The following ATP13A4 variants were observed in gnomAD, a reference collection of about 807,000 sequenced individuals.
ATP13A4 encodes the protein probable cation-transporting ATPase 13A4.
In ATP13A4, 114 loss-of-function variants were observed where a neutral mutation model predicts 142.5. The ratio of observed to expected loss-of-function variants is 0.80; its 90% CI spans 0.69 to 0.93. The LOEUF (loss-of-function observed/expected upper bound fraction) is 0.93. Ranked by LOEUF, ATP13A4 falls within the 40% of genes least tolerant of loss-of-function variation. The pLI, the probability that ATP13A4 is intolerant of heterozygous loss-of-function variation, is 0.00. For missense variants in ATP13A4, 1,392 were observed against 1,454.0 expected, an observed-to-expected ratio of 0.96 and a Z score of 0.69; for synonymous variants, 488 against 514.8, an observed-to-expected ratio of 0.95 and a Z score of 0.70.
At chr3:193,491,488 C>T (rs1305137843) in intron 5 of ATP13A4, 90 bp from the exon 6 acceptor site, 2 of 935,488 alleles carry the variant, frequency 2.1e-6, no homozygotes, top group Admixed American at 1.7e-5. Context: ...ATTCCATGTT[C>T]ACTTTCTCAC....
intron 29 of ATP13A4, among the ~76,000 whole-genome samples, chr3:193,405,160 AC>A (rs1460497213): frequency 2.0e-5 from 3 of 152,192 alleles, no homozygotes; most frequent in Non-Finnish European, 4.4e-5. Flanking sequence ...CACGTAGATT[AC>A]CCCGAGCTTG....
At chr3:193,441,307 C>T (rs1716626687) in intron 20 of ATP13A4, among the ~76,000 whole-genome samples, 159 bp downstream of exon 20, 1 of 152,016 alleles carries the variant, frequency 6.6e-6, no homozygotes, top group Non-Finnish European at 1.5e-5. Flanking sequence ...GGAAATGAGA[C>T]AATAGTATCT....
rs563040731 is a variant in ATP13A4, at chr3:193,401,467, T to C, written c.*1185A>G. On this transcript the variant is annotated 3_prime_UTR_variant, in exon 30 of 30. Transcript: ENST00000342695. ...ATAATGCTGTAGCATGAGACTAATG[T>C]TTCTCAAAAATAATAAAGCAGAGGA... 3.9e-5 allele frequency among the ~76,000 whole-genome samples: 6 copies of C among 152,286 alleles called. No homozygotes were observed. In the South Asian group the frequency reaches 1.2e-3, roughly 32 times the overall value.
chr3:193,567,564 A>T (rs1454112978), intron 2 of ATP13A4, among the ~76,000 whole-genome samples: 1 of 152,110 alleles, frequency 6.6e-6, no homozygotes, highest in Non-Finnish European at 1.5e-5. Flanking sequence ...GAAATGTAAG[A>T]GAGTTTAAAT....
intron 2 of ATP13A4, among the ~76,000 whole-genome samples, chr3:193,507,918 T>C (rs536510284): frequency 6.6e-6 from 1 of 152,260 alleles, no homozygotes; most frequent in South Asian, 2.1e-4. Flanking sequence ...CTGTTATGAA[T>C]TGAGTTGTGT....
chr3:193,573,276 C>CGTATATATATATATATTATT (rs745558107), intron 2 of ATP13A4, among the ~76,000 whole-genome samples: 1 of 77,844 alleles, frequency 1.3e-5, no homozygotes, highest in Non-Finnish European at 2.5e-5. Flanking sequence ...TATATATATA[C>CGTATATATATATATATTATT]ATATATATAT....
intron 1 of ATP13A4, among the ~76,000 whole-genome samples, chr3:193,544,593 G>C (rs139113263): frequency 2.0e-5 from 3 of 152,260 alleles, no homozygotes; most frequent in African/African-American, 7.2e-5. Flanking sequence ...GGAATGCATA[G>C]ATGACGAAAA....
rs535159967 is a variant in ATP13A4, at chr3:193,428,613, A to T, written c.2842+5232T>A. On this transcript the variant is annotated intron_variant, in intron 25 of 29. Coordinates refer to ENST00000342695, the MANE Select transcript of ATP13A4 (RefSeq NM_032279.4). ...ATACCATGGAATACTATGCAGCCAT[A>T]AAAAAGGATGAGTTCACGTCCTTTG... is the stretch of plus-strand genomic sequence containing the variant. Among the ~76,000 whole-genome samples the T allele has an allele frequency of 3.9e-5, 6 of 152,186 alleles. No individual in the cohort carries two copies. The South Asian group carries it at 1.2e-3, about 32-fold the overall frequency.
At position 193,435,748 on chromosome 3, in the gene ATP13A4, T is replaced by C; in HGVS notation, c.2673-4A>G. The C allele has an allele frequency of 1.2e-6, 2 of 1,610,710 alleles. No homozygotes were observed. Among genetic ancestry groups the C allele is most frequent in the Non-Finnish European group, 1.7e-6 (2 of 1,177,114 alleles). On this transcript the variant is annotated splice_polypyrimidine_tract_variant and splice_region_variant and intron_variant, in intron 23 of 29. Coordinates refer to ENST00000342695, the MANE Select transcript of ATP13A4 (RefSeq NM_032279.4). ...AACGAGAGCTGCACGTCCTTCCCTG[T>C]GTAAGAAAAGAAATGATAAAGACAT...
intron 5 of ATP13A4, 107 bp from the exon 6 acceptor site, chr3:193,491,505 G>C (rs1719941392): frequency 1.2e-6 from 1 of 843,562 alleles, no homozygotes; most frequent in Non-Finnish European, 2.0e-6. Flanking sequence ...TCACTTGTGA[G>C]ACCAACATAA....
chr3:193,494,572 A>C (rs1354745837), intron 3 of ATP13A4, among the ~76,000 whole-genome samples: 2 of 152,030 alleles, frequency 1.3e-5, no homozygotes, highest in African/African-American at 2.4e-5. Flanking sequence ...AAATTTCTTG[A>C]GACAAGTGAA....
At chr3:193,576,127 A>G (rs1270749412) in intron 2 of ATP13A4, among the ~76,000 whole-genome samples, 2 of 152,052 alleles carry the variant, frequency 1.3e-5, no homozygotes, top group Non-Finnish European at 2.9e-5. Context: ...ATCCTGATTT[A>G]GAGGAAGCCA....
intron 16 of ATP13A4, among the ~76,000 whole-genome samples, chr3:193,455,138 A>G (rs1041854428): frequency 2.6e-5 from 4 of 152,074 alleles, no homozygotes; most frequent in African/African-American, 9.7e-5. Context: ...GGAAATCGAG[A>G]CCATCCTGGC....
At chr3:193,575,985 GGAA>G (rs1428616896) in intron 2 of ATP13A4, among the ~76,000 whole-genome samples, 11 of 152,272 alleles carry the variant, frequency 7.2e-5, no homozygotes. Flanking sequence ...GATGGGGCAG[GGAA>G]GAAGGACAGC....
At chr3:193,502,398 G>T (rs1180606925) in intron 3 of ATP13A4, 95 bp downstream of exon 3, 13 of 1,401,978 alleles carry the variant, frequency 9.3e-6, no homozygotes, top group Non-Finnish European at 1.2e-5. Context: ...TATCAAATGA[G>T]GATTGGCACA....
intron 2 of ATP13A4, among the ~76,000 whole-genome samples, chr3:193,571,381 A>G (rs1034208514): frequency 2.0e-5 from 3 of 152,124 alleles, no homozygotes; most frequent in Non-Finnish European, 4.4e-5. Context: ...AGAATTCCAG[A>G]TAACTTATGC....
chr3:193,502,035 G>A (rs973911738), intron 3 of ATP13A4, among the ~76,000 whole-genome samples: 3 of 152,158 alleles, frequency 2.0e-5, no homozygotes, highest in Non-Finnish European at 4.4e-5. Flanking sequence ...GCTGAGGCAG[G>A]AGGATCACTT....
At chr3:193,479,021 T>C (rs927923661) in intron 8 of ATP13A4, among the ~76,000 whole-genome samples, 5 of 152,152 alleles carry the variant, frequency 3.3e-5, no homozygotes, top group African/African-American at 1.2e-4. Context: ...CAAAATCACA[T>C]GATTATCTCA....
chr3:193,403,765 C>G (rs1714360020), intron 29 of ATP13A4: 1 of 984,752 alleles, frequency 1.0e-6, no homozygotes, highest in African/African-American at 1.7e-5. Flanking sequence ...ATCATGTTTG[C>G]TCACAAAGAT....
Sources: allele counts gnomAD v4.1 joint callset (sites outside exome capture counted in the v4.1 genomes callset), GRCh38; gene constraint gnomAD v4.1.1; transcripts MANE v1.5; gene names NCBI Gene and HGNC (gene_info 2026-07-23, HGNC 2026-07-21).